Variants in MAPK10 observed in about 807,000 individuals in gnomAD.
MAPK10 encodes the protein mitogen-activated protein kinase 10.
MAPK10 carries 25 observed loss-of-function variants against 59.3 expected under a neutral mutation model. The observed-to-expected ratio is 0.42, with a 90% CI of 0.31 to 0.59. MAPK10 has a LOEUF of 0.59. MAPK10 is among the 20% of genes least tolerant of loss of function. The pLI is 0.15. For synonymous variants in MAPK10, 190 were observed against 200.5 expected (o/e 0.95, Z 0.44); for missense variants, 351 against 568.9 (o/e 0.62, Z 3.90).
At chr4:86,135,910 C>G (rs1017775497) in intron 4 of MAPK10, among the ~76,000 whole-genome samples, 2 of 151,904 alleles carry the variant, frequency 1.3e-5, no homozygotes, top group Non-Finnish European at 2.9e-5. Context: ...GGAGCCGATA[C>G]GATCAACTGG....
At chr4:86,262,819 T>C (rs1287808438) in intron 2 of MAPK10, among the ~76,000 whole-genome samples, 1 of 152,152 alleles carries the variant, frequency 6.6e-6, no homozygotes, top group African/African-American at 2.4e-5. Flanking sequence ...CCTAACATCT[T>C]GTGCTGGCTA....
intron 1 of MAPK10, among the ~76,000 whole-genome samples, chr4:86,563,891 GTGTGATCTCAGCT>G (rs1244017145): frequency 6.6e-6 from 1 of 152,154 alleles, no homozygotes; most frequent in African/African-American, 2.4e-5. Context: ...GAGTACAGTG[GTGTGATCTCAGCT>G]CACTGCCACC....
At chr4:86,145,742 C>G (rs2149193633) in intron 4 of MAPK10, among the ~76,000 whole-genome samples, 1 of 152,220 alleles carries the variant, frequency 6.6e-6, no homozygotes, top group South Asian at 2.1e-4. Flanking sequence ...TTCTGTCTCT[C>G]TGTCTCATTC....
At chr4:86,346,032 A>G (rs992732619) in intron 2 of MAPK10, among the ~76,000 whole-genome samples, 2 of 152,248 alleles carry the variant, frequency 1.3e-5, no homozygotes, top group Non-Finnish European at 2.9e-5. Flanking sequence ...AAGCAGAGAT[A>G]GATGAAAACA....
chr4:86,069,930 T>C (rs904798709), intron 9 of MAPK10, among the ~76,000 whole-genome samples: 2 of 152,166 alleles, frequency 1.3e-5, no homozygotes, highest in Non-Finnish European at 2.9e-5. Flanking sequence ...CTGATACTTT[T>C]ATATTAAAGT....
chr4:86,525,405 C>A (rs1052096594), intron 1 of MAPK10, among the ~76,000 whole-genome samples: 1 of 152,172 alleles, frequency 6.6e-6, no homozygotes, highest in South Asian at 2.1e-4. Flanking sequence ...GGTTTGTATT[C>A]ACGTTACCTA....
chr4:86,376,519 G>A (rs1443198226), intron 1 of MAPK10, among the ~76,000 whole-genome samples: 1 of 152,144 alleles, frequency 6.6e-6, no homozygotes, highest in African/African-American at 2.4e-5. Flanking sequence ...CATTTAAGTT[G>A]GTTGTTGAAT....
intron 2 of MAPK10, among the ~76,000 whole-genome samples, chr4:86,295,648 T>A (rs1017023788): frequency 6.6e-6 from 1 of 151,138 alleles, no homozygotes; most frequent in African/African-American, 2.4e-5. Context: ...ACAAAAGAAA[T>A]AAAAACATGG....
At chr4:86,511,281 C>T (rs890711289) in intron 1 of MAPK10, among the ~76,000 whole-genome samples, 1 of 150,718 alleles carries the variant, frequency 6.6e-6, no homozygotes, top group Non-Finnish European at 1.5e-5. Context: ...CTCAGGAGTT[C>T]GAGACCAGCC....
At chr4:86,258,682 A>G (rs150545004) in intron 2 of MAPK10, among the ~76,000 whole-genome samples, 28 of 152,282 alleles carry the variant, frequency 1.8e-4, no homozygotes, top group African/African-American at 6.7e-4. Flanking sequence ...AAAAAACCCA[A>G]ATGGAAACTT....
At chr4:86,285,223 CTT>C (rs535093991) in intron 2 of MAPK10, among the ~76,000 whole-genome samples, 1 of 145,716 alleles carries the variant, frequency 6.9e-6, no homozygotes. Flanking sequence ...CTAAATGACA[CTT>C]TTTTTTTTTT....
chr4:86,535,170 G>A (rs773650886), intron 1 of MAPK10, among the ~76,000 whole-genome samples: 2 of 152,086 alleles, frequency 1.3e-5, no homozygotes, highest in African/African-American at 4.8e-5. Flanking sequence ...GTAAGAGAAC[G>A]GAAATGGCCC....
At chr4:86,465,025 C>T (rs577395722) in intron 1 of MAPK10, among the ~76,000 whole-genome samples, 2 of 152,350 alleles carry the variant, frequency 1.3e-5, no homozygotes, top group South Asian at 4.1e-4. Flanking sequence ...GAAGCTAAAG[C>T]TATTATCCAG....
At chr4:86,540,623 T>A (rs567266295) in intron 1 of MAPK10, among the ~76,000 whole-genome samples, 1 of 151,940 alleles carries the variant, frequency 6.6e-6, no homozygotes, top group South Asian at 2.1e-4. Flanking sequence ...CAAAAGTTAA[T>A]CACAGAATAA....
At chr4:86,499,782 T>C (rs1755160570) in intron 1 of MAPK10, among the ~76,000 whole-genome samples, 1 of 152,152 alleles carries the variant, frequency 6.6e-6, no homozygotes, top group Non-Finnish European at 1.5e-5. Flanking sequence ...GGATGGTTGG[T>C]AAACAGTAAG....
At chr4:86,461,346 G>A (rs1751726389) in intron 1 of MAPK10, among the ~76,000 whole-genome samples, 1 of 152,140 alleles carries the variant, frequency 6.6e-6, no homozygotes, top group East Asian at 1.9e-4. Context: ...GGGTCTGGAG[G>A]GGCTCCAAGT....
rs1384411117 is a variant in MAPK10, at chr4:86,438,674, G to A, written c.-122+14356C>T. On this transcript the variant is annotated intron_variant, in intron 1 of 13. Coordinates refer to the MAPK10 transcript ENST00000361569. The stretch of plus-strand genomic sequence containing the variant: ...CTTTGCACTGCAGCCTGGGTGACAA[G>A]AGCAAAACTCCATCTCAAAAAAAAA... 2.8e-5 allele frequency among the ~76,000 whole-genome samples: 4 copies of A among 145,370 alleles called. No individual in the cohort carries two copies. The Admixed American group carries it at 2.8e-4, about 10-fold the overall frequency.
At chr4:86,088,641 G>A (rs1214648413) in intron 9 of MAPK10, among the ~76,000 whole-genome samples, 1 of 152,172 alleles carries the variant, frequency 6.6e-6, no homozygotes, top group Admixed American at 6.5e-5. Flanking sequence ...ATAAGAGAAG[G>A]AATTAGAGCT....
chr4:86,280,982 C>T (rs1170777755), intron 2 of MAPK10, among the ~76,000 whole-genome samples: 3 of 152,028 alleles, frequency 2.0e-5, no homozygotes, highest in African/African-American at 7.2e-5. Context: ...TGGAAAACCA[C>T]CTATAGGGTA....
Sources: allele counts gnomAD v4.1 joint callset (sites outside exome capture counted in the v4.1 genomes callset), GRCh38; gene constraint gnomAD v4.1.1; transcripts MANE v1.5; gene names NCBI Gene and HGNC (gene_info 2026-07-23, HGNC 2026-07-21).